The following RAD51B variants were observed in gnomAD, a reference collection of about 807,000 sequenced individuals.
RAD51B encodes DNA repair protein RAD51 homolog 2.
Under a neutral mutation model 42.2 loss-of-function variants are expected in RAD51B, and 38 were observed. That is an observed-to-expected ratio of 0.90 (90% CI 0.70 to 1.18). The LOEUF (loss-of-function observed/expected upper bound fraction) is 1.18. Ranked by LOEUF, RAD51B falls within the 50% of genes most tolerant of loss-of-function variation. The pLI is 0.00. For synonymous variants in RAD51B, 154 were observed against 145.2 expected, an observed-to-expected ratio of 1.06 and a Z score of -0.43; for missense variants, 373 against 400.7, an observed-to-expected ratio of 0.93 and a Z score of 0.59.
intron 7 of RAD51B, among the ~76,000 whole-genome samples, chr14:68,006,827 C>A (rs563402153): frequency 1.3e-5 from 2 of 152,148 alleles, no homozygotes; most frequent in African/African-American, 4.8e-5. Flanking sequence ...AGAGTATTAA[C>A]TTTTATGTTT....
intron 7 of RAD51B, among the ~76,000 whole-genome samples, chr14:67,974,477 G>A (rs1488965297): frequency 1.3e-5 from 2 of 152,058 alleles, no homozygotes; most frequent in East Asian, 3.8e-4. Context: ...AACTTATACT[G>A]TAGTTAGGAT....
chr14:68,342,530 C>G (rs1199789902), intron 8 of RAD51B, among the ~76,000 whole-genome samples: 1 of 152,212 alleles, frequency 6.6e-6, no homozygotes, highest in East Asian at 1.9e-4. Flanking sequence ...GGGAAGCTCA[C>G]TGTTGCTATG....
intron 7 of RAD51B, among the ~76,000 whole-genome samples, chr14:67,920,775 G>A (rs58151429): frequency 0.33 from 49,641 of 151,802 alleles, 11,539 homozygotes; most frequent in African/African-American, 0.66. Context: ...CCCACCCTCC[G>A]ATAATGCTTA....
chr14:68,512,174 C>T (rs1885777085), intron 10 of RAD51B, among the ~76,000 whole-genome samples: 1 of 152,184 alleles, frequency 6.6e-6, no homozygotes, highest in Non-Finnish European at 1.5e-5. Flanking sequence ...GCCTAGGCTG[C>T]CCCCACTTGC....
chr14:68,274,171 G>T (rs11849884), intron 7 of RAD51B, among the ~76,000 whole-genome samples: 1 of 152,042 alleles, frequency 6.6e-6, no homozygotes, highest in Admixed American at 6.5e-5. Flanking sequence ...TTCTATGGAC[G>T]ATGACCATAG....
intron 10 of RAD51B, chr14:68,594,482 T>TAG: frequency 7.3e-7 from 1 of 1,367,712 alleles, no homozygotes. Context: ...CTCTCTCTCT[T>TAG]AGAGACAACA....
intron 7 of RAD51B, among the ~76,000 whole-genome samples, chr14:68,072,063 T>TTATA (rs1424868853): frequency 1.1e-5 from 1 of 90,688 alleles, no homozygotes; most frequent in Non-Finnish European, 2.0e-5. Context: ...TTATATATAT[T>TTATA]TATATAAATA....
chr14:68,493,659 A>T (rs1594909855), intron 10 of RAD51B, among the ~76,000 whole-genome samples: 1 of 152,300 alleles, frequency 6.6e-6, no homozygotes, highest in Non-Finnish European at 1.5e-5. Context: ...TCCCAGACCT[A>T]TTTTATAGAA....
intron 7 of RAD51B, among the ~76,000 whole-genome samples, chr14:68,223,547 G>A (rs2079972902): frequency 6.6e-6 from 1 of 152,194 alleles, no homozygotes; most frequent in South Asian, 2.1e-4. Context: ...TAATTGTTAA[G>A]GGAATATGGA....
intron 4 of RAD51B, among the ~76,000 whole-genome samples, chr14:67,850,135 A>G (rs907667816): frequency 6.6e-6 from 1 of 152,164 alleles, no homozygotes; most frequent in African/African-American, 2.4e-5. Context: ...AGCTGGGACT[A>G]TAGGCGTGTG....
chr14:68,654,835 G>T (rs966548369), intron 11 of RAD51B, among the ~76,000 whole-genome samples: 1 of 152,124 alleles, frequency 6.6e-6, no homozygotes. Context: ...CCAAGAACCC[G>T]CTTTGGCTGT....
chr14:67,999,997 A>AAAAC (rs149715746), intron 7 of RAD51B, among the ~76,000 whole-genome samples: 3,786 of 152,182 alleles, frequency 0.025, 156 homozygotes, highest in African/African-American at 0.086. Context: ...TTAGGTCTTA[A>AAAAC]AAACAAACAA....
At chr14:68,259,015 A>G (rs891815513) in intron 7 of RAD51B, among the ~76,000 whole-genome samples, 1 of 152,126 alleles carries the variant, frequency 6.6e-6, no homozygotes, top group Non-Finnish European at 1.5e-5. Context: ...GAATTAAGCA[A>G]CTGAGTCAAG....
chr14:68,308,908 A>G (rs1460735562), intron 8 of RAD51B, among the ~76,000 whole-genome samples: 1 of 152,122 alleles, frequency 6.6e-6, no homozygotes, highest in Non-Finnish European at 1.5e-5. Flanking sequence ...TGTACTTTCT[A>G]TTGGAAAAGC....
intron 7 of RAD51B, among the ~76,000 whole-genome samples, chr14:67,925,225 G>T (rs1247316454): frequency 6.6e-6 from 1 of 152,136 alleles, no homozygotes; most frequent in Non-Finnish European, 1.5e-5. Flanking sequence ...GGCATTGAGT[G>T]TCTGCAGCTT....
At chr14:68,651,108 G>T (rs1892690256) in intron 11 of RAD51B, among the ~76,000 whole-genome samples, 1 of 152,148 alleles carries the variant, frequency 6.6e-6, no homozygotes, top group Non-Finnish European at 1.5e-5. Flanking sequence ...TTTAAAACCT[G>T]GTAAGCATAT....
intron 8 of RAD51B, among the ~76,000 whole-genome samples, chr14:68,370,324 G>A (rs546143733): frequency 2.6e-5 from 4 of 152,300 alleles, no homozygotes; most frequent in African/African-American, 9.6e-5. Context: ...AATAATGATA[G>A]CAACAACAAT....
At chr14:68,666,079 A>T (rs1893028079) in intron 11 of RAD51B, among the ~76,000 whole-genome samples, 2 of 152,172 alleles carry the variant, frequency 1.3e-5, no homozygotes, top group South Asian at 4.1e-4. Flanking sequence ...AATTGCTGTC[A>T]TTTTTCTGTC....
chr14:67,899,338 C>T (rs1013470735), intron 7 of RAD51B, among the ~76,000 whole-genome samples: 11 of 152,170 alleles, frequency 7.2e-5, no homozygotes, highest in Admixed American at 2.0e-4. Flanking sequence ...TGTGAGCCAC[C>T]ACACCCGGCC....
Sources: allele counts gnomAD v4.1 joint callset (sites outside exome capture counted in the v4.1 genomes callset), GRCh38; gene constraint gnomAD v4.1.1; transcripts MANE v1.5; gene names NCBI Gene and HGNC (gene_info 2026-07-23, HGNC 2026-07-21).